Variants in DNAH5 observed in about 807,000 individuals in gnomAD.
The protein encoded by DNAH5 is dynein axonemal heavy chain 5.
Under a neutral mutation model 518.2 loss-of-function variants are expected in DNAH5, and 372 were observed. The ratio of observed to expected loss-of-function variants is 0.72; its 90% CI spans 0.66 to 0.78. The LOEUF is 0.78. DNAH5 is among the 30% of genes least tolerant of loss of function. The pLI is 0.00. For missense variants in DNAH5, 5,523 were observed against 5,687.0 expected (o/e 0.97, Z 0.93); for synonymous variants, 2,039 against 2,025.9 (o/e 1.01, Z -0.17).
chr5:13,965,229 A>T (rs918742740), intron 1 of DNAH5, among the ~76,000 whole-genome samples: 32 of 151,900 alleles, frequency 2.1e-4, no homozygotes, highest in African/African-American at 7.7e-4. Context: ...CCTGTATGTT[A>T]AAAAAAATGA....
At chr5:13,994,640 C>T (rs1215492099) in intron 1 of DNAH5, among the ~76,000 whole-genome samples, 2 of 152,146 alleles carry the variant, frequency 1.3e-5, no homozygotes, top group Admixed American at 1.3e-4. Context: ...AGGAGTCACA[C>T]CATAGGTCAA....
chr5:13,987,246 G>T (rs1238230321), intron 1 of DNAH5, among the ~76,000 whole-genome samples: 1 of 151,984 alleles, frequency 6.6e-6, no homozygotes, highest in Non-Finnish European at 1.5e-5. Flanking sequence ...CCTTGCCTCA[G>T]GCTCTGCTTT....
At chr5:13,874,857 G>T (rs976714987) in intron 22 of DNAH5, among the ~76,000 whole-genome samples, 1 of 152,084 alleles carries the variant, frequency 6.6e-6, no homozygotes, top group Non-Finnish European at 1.5e-5. Context: ...AGAAGTTGAT[G>T]ACCAACCTAT....
chr5:13,758,421 G>A lies in DNAH5; in HGVS notation c.10419+425C>T, dbSNP rs1203173116. The stretch of plus-strand genomic sequence containing the variant: ...GAGGTGGAATGATCACTTAACCCCA[G>A]GAATTCAAGGCTGCAGTGAGCCATG... On this transcript the variant is annotated intron_variant, in intron 61 of 78. Coordinates refer to ENST00000265104, the MANE Select transcript of DNAH5 (RefSeq NM_001369.3). Among the ~76,000 whole-genome samples the A allele has an allele frequency of 2.0e-5, 3 of 152,090 alleles. No homozygotes were observed. In the East Asian group the frequency reaches 5.8e-4, roughly 29 times the overall value.
At position 13,751,272 on chromosome 5, in the gene DNAH5, A is replaced by G; in HGVS notation, c.11029-12T>C. The G allele has an allele frequency of 6.3e-7, 1 of 1,598,264 alleles. No homozygotes were observed. Among genetic ancestry groups the G allele is most frequent in the Non-Finnish European group, 8.5e-7 (1 of 1,171,976 alleles). On this transcript the variant is annotated splice_polypyrimidine_tract_variant and intron_variant, in intron 64 of 78. Coordinates refer to ENST00000265104, the MANE Select transcript of DNAH5 (RefSeq NM_001369.3). ...TCACCAACTTTCACCTTTTTTATAA[A>G]AAGAAATTTAAAAGTAATAAAATAG... is the stretch of plus-strand genomic sequence containing the variant.
At chr5:13,871,797 G>A in intron 22 of DNAH5, 32 bp from the exon 23 acceptor site, 2 of 1,584,134 alleles carry the variant, frequency 1.3e-6, no homozygotes, top group Middle Eastern at 1.7e-4. Context: ...ATGTTAAGAA[G>A]GAAGAATCTG....
In DNAH5 at chr5:13,917,216, T is replaced by C. The variant is rs1561567620; in HGVS notation, c.1016A>G (p.Asn339Ser). The change falls in exon 8 of 79, where the codon AAT becomes AGT. Residue 339 changes from asparagine to serine, a missense_variant. Asn to Ser is a conservative substitution (Grantham distance 46, BLOSUM62 1). Coordinates refer to ENST00000265104, the MANE Select transcript of DNAH5 (RefSeq NM_001369.3). ...GTATTTCACATTGTCCTTTGCTTCA[T>C]TAGTTGCATCAGTGATTCGAATATC... ...EMDIRITDAT[N>S]EAKDNVKYLY... 6.2e-7 allele frequency: 1 copy of C among 1,614,038 alleles called. No individual in the cohort carries two copies. Among genetic ancestry groups the C allele is most frequent in the Non-Finnish European group, 8.5e-7 (1 of 1,179,980 alleles).
At chr5:13,904,345 G>C (rs1286285258) in intron 12 of DNAH5, among the ~76,000 whole-genome samples, 1 of 149,064 alleles carries the variant, frequency 6.7e-6, no homozygotes, top group South Asian at 2.1e-4. Context: ...ATGTTATATA[G>C]AGAGATATGG....
At chr5:13,876,160 T>A (rs969107547) in intron 22 of DNAH5, among the ~76,000 whole-genome samples, 1 of 152,158 alleles carries the variant, frequency 6.6e-6, no homozygotes, top group Non-Finnish European at 1.5e-5. Flanking sequence ...AAAGAAAAAA[T>A]TGCCTTGAAT....
At chr5:13,769,247 GTTTTTTTTTTT>G in intron 57 of DNAH5, 111 bp from the exon 58 acceptor site, 1 of 746,572 alleles carries the variant, frequency 1.3e-6, no homozygotes, top group Admixed American at 2.9e-5. Flanking sequence ...CAGTTTTGTT[GTTTTTTTTTTT>G]TTTTTTTGAG....
At chr5:13,854,742 T>C (rs1767376321) in intron 30 of DNAH5, among the ~76,000 whole-genome samples, 1 of 152,136 alleles carries the variant, frequency 6.6e-6, no homozygotes, top group African/African-American at 2.4e-5. Context: ...AGACAGACTT[T>C]AAACCAACAA....
intron 1 of DNAH5, among the ~76,000 whole-genome samples, chr5:13,980,756 T>C (rs574927349): frequency 2.0e-4 from 31 of 152,268 alleles, no homozygotes; most frequent in African/African-American, 7.2e-4. Flanking sequence ...CAGTTCATGT[T>C]TTTCCTGCTA....
At chr5:13,877,768 CT>C (rs1467072182) in intron 21 of DNAH5, among the ~76,000 whole-genome samples, 1 of 152,182 alleles carries the variant, frequency 6.6e-6, no homozygotes, top group Admixed American at 6.5e-5. Flanking sequence ...CACCATAACT[CT>C]TAAGGTTCCC....
chr5:13,831,901 C>A (rs57021937), intron 35 of DNAH5, among the ~76,000 whole-genome samples: 4,352 of 152,184 alleles, frequency 0.029, 203 homozygotes, highest in African/African-American at 0.099. Flanking sequence ...CCCCACTGTA[C>A]AGAGATAAGG....
chr5:13,879,320 T>C (rs1352924163), intron 21 of DNAH5, among the ~76,000 whole-genome samples: 2 of 152,174 alleles, frequency 1.3e-5, no homozygotes. Context: ...TATGATGAAG[T>C]TACATCCCAA....
At chr5:13,858,566 T>C (rs1767950086) in intron 30 of DNAH5, among the ~76,000 whole-genome samples, 1 of 5,162 alleles carries the variant, frequency 1.9e-4, no homozygotes. Context: ...TTAAATATAA[T>C]TTAAAAAAAA....
At chr5:13,967,884 G>A (rs1262236900) in intron 1 of DNAH5, among the ~76,000 whole-genome samples, 2 of 150,686 alleles carry the variant, frequency 1.3e-5, no homozygotes, top group Non-Finnish European at 3.0e-5. Flanking sequence ...GAATTGCATT[G>A]AATTTGTAGA....
intron 74 of DNAH5, among the ~76,000 whole-genome samples, chr5:13,715,798 G>A (rs1197369386): frequency 6.6e-6 from 1 of 152,150 alleles, no homozygotes; most frequent in African/African-American, 2.4e-5. Context: ...CTCAACAAGC[G>A]ACAATTTTGC....
chr5:13,731,515 T>TG (rs1246988180), intron 68 of DNAH5, among the ~76,000 whole-genome samples: 36 of 152,270 alleles, frequency 2.4e-4, no homozygotes, highest in African/African-American at 8.2e-4. Flanking sequence ...GATTGTAACT[T>TG]GGGGGAGAGG....
Sources: gnomAD v4.1 joint callset for allele counts (sites outside exome capture counted in the v4.1 genomes callset) on GRCh38, gnomAD v4.1.1 for gene constraint, MANE v1.5 for transcripts, NCBI Gene and HGNC (gene_info 2026-07-23, HGNC 2026-07-21) for gene names.